PIK3C2G: variants seen among roughly 807,000 people sequenced by gnomAD.
PIK3C2G encodes the protein phosphatidylinositol-4-phosphate 3-kinase catalytic subunit type 2 gamma, also known as phosphatidylinositol 3-kinase C2 domain-containing subunit gamma.
In PIK3C2G, 168 loss-of-function variants were observed where a neutral mutation model predicts 181.1. The ratio of observed to expected loss-of-function variants is 0.93; its 90% CI spans 0.82 to 1.05. The LOEUF is 1.05. Ranked by LOEUF, PIK3C2G falls within the 50% of genes least tolerant of loss-of-function variation. The pLI is 0.00. For synonymous variants in PIK3C2G, 573 were observed against 592.2 expected (o/e 0.97, Z 0.47); for missense variants, 1,869 against 1,732.8 (o/e 1.08, Z -1.40).
intron 31 of PIK3C2G, among the ~76,000 whole-genome samples, chr12:18,615,373 G>GTATA (rs751465088): frequency 4.4e-5 from 4 of 90,774 alleles, no homozygotes; most frequent in African/African-American, 6.6e-5. Flanking sequence ...GTGTGTGTAT[G>GTATA]TGTATATATA....
At chr12:18,490,203 G>A (rs2136059160) in intron 19 of PIK3C2G, among the ~76,000 whole-genome samples, 1 of 152,166 alleles carries the variant, frequency 6.6e-6, no homozygotes, top group East Asian at 1.9e-4. Flanking sequence ...TGAGGCAAAG[G>A]AGAACAACAC....
chr12:18,259,696 A>G (rs562807443), upstream of PIK3C2G, among the ~76,000 whole-genome samples: 203 of 152,228 alleles, frequency 1.3e-3, no homozygotes, highest in African/African-American at 4.6e-3. Context: ...ATGCATAAAC[A>G]AAATAACCTA....
intron 29 of PIK3C2G, among the ~76,000 whole-genome samples, chr12:18,580,168 CAT>C (rs1382640585): frequency 6.7e-6 from 1 of 149,866 alleles, no homozygotes; most frequent in East Asian, 1.9e-4. Flanking sequence ...GTAATAGAAA[CAT>C]GTAATAAAAG....
intron 29 of PIK3C2G, among the ~76,000 whole-genome samples, chr12:18,569,119 T>C (rs1262832937): frequency 6.6e-6 from 1 of 152,086 alleles, no homozygotes; most frequent in Non-Finnish European, 1.5e-5. Flanking sequence ...GAAGTGACCC[T>C]TTATGACTTC....
chr12:18,577,770 T>C (rs1010607026), intron 29 of PIK3C2G, among the ~76,000 whole-genome samples: 19 of 152,202 alleles, frequency 1.2e-4, no homozygotes, highest in African/African-American at 4.3e-4. Flanking sequence ...ATATTTAGGG[T>C]ACCATACCTT....
chr12:18,392,733 G>T (rs2138062882), intron 15 of PIK3C2G, among the ~76,000 whole-genome samples: 1 of 152,020 alleles, frequency 6.6e-6, no homozygotes, highest in Admixed American at 6.6e-5. Flanking sequence ...TCATTAATTT[G>T]CAAGAACTGG....
At chr12:18,613,539 A>G (rs989960770) in intron 31 of PIK3C2G, among the ~76,000 whole-genome samples, 6 of 151,986 alleles carry the variant, frequency 3.9e-5, no homozygotes, top group African/African-American at 1.2e-4. Flanking sequence ...AATGTGTCTG[A>G]GTGTAGCCTG....
intron 31 of PIK3C2G, among the ~76,000 whole-genome samples, chr12:18,617,656 C>A (rs1948663945): frequency 2.0e-5 from 3 of 152,078 alleles, no homozygotes; most frequent in Admixed American, 2.0e-4. Context: ...CCTGTTCTTG[C>A]CAGATACTGC....
At chr12:18,365,721 T>G (rs527279379) in intron 12 of PIK3C2G, among the ~76,000 whole-genome samples, 1 of 152,302 alleles carries the variant, frequency 6.6e-6, no homozygotes, top group East Asian at 1.9e-4. Flanking sequence ...TTAAATACAA[T>G]TTAAATGCCA....
intron 9 of PIK3C2G, among the ~76,000 whole-genome samples, chr12:18,341,021 G>T (rs1309617091): frequency 6.6e-6 from 1 of 152,034 alleles, no homozygotes; most frequent in Non-Finnish European, 1.5e-5. Context: ...ATGTCGACAC[G>T]TCTTCCCATC....
chr12:18,713,796 G>A, the PIK3C2G span: 1 of 152,122 alleles, frequency 6.6e-6, no homozygotes, highest in Non-Finnish European at 1.5e-5. Flanking sequence ...TGCTTCTGCT[G>A]ATATCTAAAA....
At chr12:18,415,731 C>G (rs1188790629) in intron 16 of PIK3C2G, among the ~76,000 whole-genome samples, 1 of 152,194 alleles carries the variant, frequency 6.6e-6, no homozygotes, top group African/African-American at 2.4e-5. Context: ...ATTAGAAGTG[C>G]TATTCCAGTG....
At chr12:18,682,635 G>C in the PIK3C2G span, among the ~76,000 whole-genome samples, 1 of 152,004 alleles carries the variant, frequency 6.6e-6, no homozygotes, top group Non-Finnish European at 1.5e-5. Context: ...CCACACAGTA[G>C]ATCTCTTTTA....
the PIK3C2G span, among the ~76,000 whole-genome samples, chr12:18,717,086 A>G: frequency 6.6e-6 from 1 of 152,178 alleles, no homozygotes; most frequent in Admixed American, 6.5e-5. Context: ...CATACTAAGC[A>G]TGTGTCTTCC....
intron 19 of PIK3C2G, 26 bp from the exon 20 acceptor site, chr12:18,491,425 A>T: frequency 8.4e-7 from 1 of 1,185,308 alleles, no homozygotes; most frequent in Non-Finnish European, 1.2e-6. Context: ...ATTTTCTTAA[A>T]TCCTTTTTCT....
rs377542326 is a variant in PIK3C2G, at chr12:18,346,769, G to T, written c.1558G>T (p.Gly520Trp). Residue 520 changes from glycine (G) to tryptophan (W), a missense_variant, in exon 11 of 33, where the codon GGG becomes TGG. Gly to Trp is a radical substitution (Grantham distance 184). Coordinates refer to ENST00000538779, the MANE Select transcript of PIK3C2G (RefSeq NM_001288772.2). The part of the protein sequence containing the change: ...VPRCTSYLNP[G>W]LPSHLSFTVY... ...TAGATGCACTTCCTATCTAAATCCCGGGCTTCCTTCCCACCTCAGCTTCAC... is the reference window on the plus strand; with the variant it reads ...TAGATGCACTTCCTATCTAAATCCCTGGCTTCCTTCCCACCTCAGCTTCAC... 2 of 1,613,432 alleles carry T rather than the reference G, an allele frequency of 1.2e-6. No homozygotes were observed. Among genetic ancestry groups the T allele is most frequent in the African/African-American group, 2.7e-5 (2 of 74,856 alleles).
intron 16 of PIK3C2G, among the ~76,000 whole-genome samples, chr12:18,406,823 T>A (rs774046748): frequency 1.3e-5 from 2 of 152,144 alleles, no homozygotes; most frequent in African/African-American, 2.4e-5. Context: ...GAGAAAAATG[T>A]GGAAATTTCA....
chr12:18,351,924 G>A (rs961827747), intron 11 of PIK3C2G, among the ~76,000 whole-genome samples: 10 of 152,180 alleles, frequency 6.6e-5, no homozygotes, highest in Admixed American at 2.6e-4. Flanking sequence ...AGGCTATCCC[G>A]TATACCCTAG....
intron 18 of PIK3C2G, among the ~76,000 whole-genome samples, chr12:18,430,859 T>C (rs570631076): frequency 2.0e-5 from 3 of 152,316 alleles, no homozygotes; most frequent in Admixed American, 2.0e-4. Flanking sequence ...TAAGCCAATG[T>C]TGTCTCTGGT....
Sources: allele counts gnomAD v4.1 joint callset (sites outside exome capture counted in the v4.1 genomes callset), GRCh38; gene constraint gnomAD v4.1.1; transcripts MANE v1.5; gene names NCBI Gene and HGNC (gene_info 2026-07-23, HGNC 2026-07-21).